The following DENND5A variants were observed in gnomAD, a reference collection of about 807,000 sequenced individuals.
DENND5A encodes DENN domain-containing protein 5A.
DENND5A carries 64 observed loss-of-function variants against 140.3 expected under a neutral mutation model. That is an observed-to-expected ratio of 0.46 (90% CI 0.37 to 0.56). The LOEUF is 0.56. DENND5A is among the 20% of genes least tolerant of loss of function. The pLI, the probability that DENND5A is intolerant of heterozygous loss-of-function variation, is 0.00. For missense variants in DENND5A, 1,292 were observed against 1,593.8 expected (o/e 0.81, Z 3.22); for synonymous variants, 605 against 607.7 (o/e 1.00, Z 0.07).
chr11:9,157,448 C>T (rs977298284), intron 12 of DENND5A, among the ~76,000 whole-genome samples: 1 of 152,178 alleles, frequency 6.6e-6, no homozygotes, highest in South Asian at 2.1e-4. Flanking sequence ...AAGCCTCGTA[C>T]CCCACAGGTA....
At chr11:9,216,409 G>A (rs1288887470) in intron 1 of DENND5A, among the ~76,000 whole-genome samples, 1 of 152,168 alleles carries the variant, frequency 6.6e-6, no homozygotes, top group Non-Finnish European at 1.5e-5. Flanking sequence ...GGAGGATGGG[G>A]AGTGGCATAA....
chr11:9,162,153 A>ACT (rs112703203), intron 11 of DENND5A, among the ~76,000 whole-genome samples: 69,716 of 149,610 alleles, frequency 0.47, 17,490 homozygotes, highest in African/African-American at 0.65. Context: ...TTCCACTGTT[A>ACT]GTTTTTAACC....
At chr11:9,198,743 A>G (rs542827234) in intron 4 of DENND5A, among the ~76,000 whole-genome samples, 21 of 152,192 alleles carry the variant, frequency 1.4e-4, no homozygotes, top group African/African-American at 4.3e-4. Flanking sequence ...ACCCTTCGTC[A>G]AAGATTAGTG....
At chr11:9,226,364 G>C (rs1850530009) in intron 1 of DENND5A, among the ~76,000 whole-genome samples, 1 of 152,098 alleles carries the variant, frequency 6.6e-6, no homozygotes, top group Non-Finnish European at 1.5e-5. Context: ...GCAATTAAAT[G>C]ATCCTGTATA....
chr11:9,235,613 G>A (rs972422204), intron 1 of DENND5A, among the ~76,000 whole-genome samples: 4 of 151,010 alleles, frequency 2.6e-5, no homozygotes, highest in Admixed American at 6.6e-5. Flanking sequence ...AGCTGAGATC[G>A]CGCCACTGCA....
chr11:9,183,445 T>G (rs938739716), intron 5 of DENND5A, among the ~76,000 whole-genome samples: 1 of 152,030 alleles, frequency 6.6e-6, no homozygotes, highest in African/African-American at 2.4e-5. Context: ...TTAACTTTTT[T>G]TTTTTTTTTG....
intron 8 of DENND5A, chr11:9,176,839 A>C: frequency 2.2e-6 from 1 of 456,120 alleles, no homozygotes; most frequent in Non-Finnish European, 4.4e-6. Context: ...CATTATACCC[A>C]GTTCAATGTT....
At chr11:9,221,709 A>G (rs1201618800) in intron 1 of DENND5A, among the ~76,000 whole-genome samples, 2 of 151,244 alleles carry the variant, frequency 1.3e-5, no homozygotes, top group Non-Finnish European at 2.9e-5. Context: ...ATCAGAAGTT[A>G]TAATTGCCAA....
chr11:9,246,060 C>A (rs142185891), intron 1 of DENND5A, among the ~76,000 whole-genome samples: 2 of 152,234 alleles, frequency 1.3e-5, no homozygotes, highest in African/African-American at 4.8e-5. Flanking sequence ...TTTTTAGGGC[C>A]TGCAGACCCC....
At chr11:9,200,306 T>A (rs1849480660) in intron 4 of DENND5A, among the ~76,000 whole-genome samples, 2 of 152,258 alleles carry the variant, frequency 1.3e-5, no homozygotes, top group Middle Eastern at 3.4e-3. Flanking sequence ...ATTCTCCATT[T>A]CAAAGTATTT....
intron 1 of DENND5A, among the ~76,000 whole-genome samples, chr11:9,237,636 A>G (rs777296964): frequency 2.0e-5 from 3 of 152,192 alleles, no homozygotes; most frequent in Non-Finnish European, 4.4e-5. Context: ...CTGTAATCCC[A>G]GCACTTTGGG....
intron 8 of DENND5A, among the ~76,000 whole-genome samples, chr11:9,175,064 ACTGT>A (rs1249352983): frequency 6.6e-6 from 1 of 152,186 alleles, no homozygotes; most frequent in Non-Finnish European, 1.5e-5. Context: ...AGGTAATATG[ACTGT>A]CTATGTAGAA....
intron 5 of DENND5A, among the ~76,000 whole-genome samples, chr11:9,181,338 A>C (rs199564530): frequency 2.6e-4 from 40 of 152,178 alleles, no homozygotes; most frequent in Non-Finnish European, 2.2e-4. Flanking sequence ...TAAAATGGAG[A>C]TAAAGAGATA....
Position 9,205,531 on chromosome 11 carries a change from C to T in DENND5A, c.291+1142G>A, listed in dbSNP as rs184850972. 2.2e-3 allele frequency among the ~76,000 whole-genome samples: 340 copies of T among 152,218 alleles called. 2 individuals are homozygous for T. The highest frequency in any genetic ancestry group is 2.5e-3 in the Non-Finnish European group (169 of 68,008). ...TGAAATAATAATATAGTTTCCTCTC[C>T]CTACTTCACAGGGTTTTTGTATGCA... On this transcript the variant is annotated intron_variant, in intron 3 of 22. Coordinates refer to ENST00000328194, the MANE Select transcript of DENND5A (RefSeq NM_015213.4).
intron 12 of DENND5A, among the ~76,000 whole-genome samples, chr11:9,153,235 C>T (rs61877788): frequency 1.7e-4 from 15 of 86,398 alleles, no homozygotes; most frequent in African/African-American, 8.5e-4. Context: ...GAGGATCACT[C>T]GAACCGAACC....
intron 1 of DENND5A, 95 bp downstream of exon 1, chr11:9,264,866 G>T (rs1590358284): frequency 2.6e-6 from 3 of 1,166,700 alleles, no homozygotes; most frequent in East Asian, 6.1e-5. Flanking sequence ...CACTCGCCCG[G>T]CTCCCGGGAC....
At chr11:9,164,562 C>T (rs1229651199) in intron 11 of DENND5A, among the ~76,000 whole-genome samples, 1 of 151,886 alleles carries the variant, frequency 6.6e-6, no homozygotes, top group East Asian at 1.9e-4. Flanking sequence ...TTGAAAGATT[C>T]TTTTTATTAG....
chr11:9,211,913 G>A (rs1403213145), intron 1 of DENND5A, among the ~76,000 whole-genome samples: 1 of 123,052 alleles, frequency 8.1e-6, no homozygotes, highest in Admixed American at 1.1e-4. Flanking sequence ...CTGGGCAACA[G>A]AGCAAGACTC....
chr11:9,263,954 T>C (rs146179388), intron 1 of DENND5A, among the ~76,000 whole-genome samples: 2 of 150,670 alleles, frequency 1.3e-5, no homozygotes, highest in Admixed American at 6.6e-5. Context: ...AACAGGATAA[T>C]CACTTTCGAA....
Sources: allele counts gnomAD v4.1 joint callset (sites outside exome capture counted in the v4.1 genomes callset), GRCh38; gene constraint gnomAD v4.1.1; transcripts MANE v1.5; gene names NCBI Gene and HGNC (gene_info 2026-07-23, HGNC 2026-07-21).